The following ADAMTS9 variants were observed in gnomAD, a reference collection of about 807,000 sequenced individuals.
The protein encoded by ADAMTS9 is ADAM metallopeptidase with thrombospondin type 1 motif 9.
A neutral mutation model predicts 257.1 loss-of-function variants in ADAMTS9; 107 were observed. That is an observed-to-expected ratio of 0.42 (90% confidence interval 0.36 to 0.49). The LOEUF is 0.49. ADAMTS9 is among the 20% of genes least tolerant of loss of function. The pLI is 0.03. For synonymous variants in ADAMTS9, 982 were observed against 880.9 expected, an observed-to-expected ratio of 1.11 and a Z score of -2.03; for missense variants, 2,353 against 2,469.1, an observed-to-expected ratio of 0.95 and a Z score of 1.00.
chr3:64,598,319 A>AT (rs34859673), intron 26 of ADAMTS9, among the ~76,000 whole-genome samples: 4,413 of 136,266 alleles, frequency 0.032, 163 homozygotes, highest in African/African-American at 0.097. Flanking sequence ...TTCATTTCCT[A>AT]TTTTTTTTTT....
Position 64,517,073 on chromosome 3 carries a change from T to C in ADAMTS9, c.*54A>G, listed in dbSNP as rs578082690. On this transcript the variant is annotated 3_prime_UTR_variant, in exon 40 of 40. Coordinates refer to ENST00000498707, the MANE Select transcript of ADAMTS9 (RefSeq NM_182920.2). The stretch of plus-strand genomic sequence containing the variant: ...ATGCACCCAAATTAAGGTGGAGGTA[T>C]TGCATTACTATCCTTCATCCATCCA... 2 of 152,618 alleles carry C rather than the reference T, an allele frequency of 1.3e-5. No homozygotes were observed. Among genetic ancestry groups the C allele is most frequent in the South Asian group, 4.2e-4 (2 of 4,814 alleles). The allele number at this position is 152,618 out of a possible 1,614,324, so 9.5% of individuals were successfully genotyped here. A position where few individuals can be genotyped will look rare whatever the true frequency, so the allele number is the denominator to read the frequency against.
intron 38 of ADAMTS9, among the ~76,000 whole-genome samples, chr3:64,531,578 C>T (rs1481445124): frequency 1.3e-5 from 2 of 152,072 alleles, no homozygotes; most frequent in African/African-American, 4.8e-5. Context: ...AGGGATCCTC[C>T]CACCTCAACC....
intron 26 of ADAMTS9, among the ~76,000 whole-genome samples, chr3:64,599,186 C>T (rs11718560): frequency 0.2 from 30,581 of 152,038 alleles, 3,859 homozygotes; most frequent in Non-Finnish European, 0.27. Context: ...TTTATACTCC[C>T]ACAGACAGAT....
chr3:64,669,454 G>A (rs2107009407), intron 3 of ADAMTS9, among the ~76,000 whole-genome samples: 1 of 152,210 alleles, frequency 6.6e-6, no homozygotes, highest in Middle Eastern at 3.4e-3. Flanking sequence ...ATTCATTCTA[G>A]CTCCAAGATT....
chr3:64,549,863 T>C (rs1232345027), intron 31 of ADAMTS9, among the ~76,000 whole-genome samples: 1 of 152,200 alleles, frequency 6.6e-6, no homozygotes, highest in Non-Finnish European at 1.5e-5. Flanking sequence ...GAAAAGACTT[T>C]GGGATCAGCT....
intron 3 of ADAMTS9, among the ~76,000 whole-genome samples, chr3:64,675,019 A>G (rs1701592408): frequency 6.6e-6 from 1 of 152,186 alleles, no homozygotes; most frequent in Non-Finnish European, 1.5e-5. Context: ...AATCAAATCA[A>G]ATTCCAGACA....
At chr3:64,540,912 A>T (rs979564315) in intron 36 of ADAMTS9, among the ~76,000 whole-genome samples, 183 bp downstream of exon 36, 2 of 152,192 alleles carry the variant, frequency 1.3e-5, no homozygotes, top group Non-Finnish European at 2.9e-5. Context: ...AAAGAGACAA[A>T]ACTGCCTGCA....
intron 29 of ADAMTS9, among the ~76,000 whole-genome samples, chr3:64,562,556 A>T (rs76823504): frequency 6.6e-6 from 1 of 152,170 alleles, no homozygotes; most frequent in Admixed American, 6.5e-5. Flanking sequence ...GCCAAGAATT[A>T]TTGTCTTGAT....
intron 3 of ADAMTS9, among the ~76,000 whole-genome samples, chr3:64,660,785 C>T (rs1174651598): frequency 1.3e-5 from 2 of 151,762 alleles, no homozygotes; most frequent in East Asian, 1.9e-4. Flanking sequence ...TTCCTTTAAG[C>T]GAAAAGGTGA....
intron 26 of ADAMTS9, 149 bp downstream of exon 26, chr3:64,601,794 AC>A: frequency 1.1e-6 from 1 of 909,366 alleles, no homozygotes; most frequent in Non-Finnish European, 1.6e-6. Flanking sequence ...GCTGTAATTA[AC>A]CCATTACAAG....
chr3:64,541,061 G>A lies in ADAMTS9; in HGVS notation c.5521+34C>T, dbSNP rs760221868. The stretch of plus-strand genomic sequence containing the variant: ...TTGCTGTCTGAATGGAGAGAAGAAC[G>A]CACACGTTCCCAAAGGACTCCTCAC... On this transcript the variant is annotated intron_variant, in intron 36 of 39. Coordinates refer to ENST00000498707, the MANE Select transcript of ADAMTS9 (RefSeq NM_182920.2). 3.7e-5 allele frequency: 60 copies of A among 1,611,386 alleles called. 1 individual carries two copies. Among genetic ancestry groups the A allele is most frequent in the South Asian group, 1.8e-4 (16 of 90,778 alleles).
chr3:64,584,471 C>CT (rs1559777405), intron 28 of ADAMTS9, among the ~76,000 whole-genome samples: 1 of 152,078 alleles, frequency 6.6e-6, no homozygotes, highest in Non-Finnish European at 1.5e-5. Flanking sequence ...CCACACCCCA[C>CT]TCCCTTTTTT....
rs2083064756 is a variant in ADAMTS9 at position 64,537,395 on chromosome 3, C to CCAATGGGGTTTTTGAAGCCAT, written c.5613+1787_5613+1807dup. Among the ~76,000 whole-genome samples the CCAATGGGGTTTTTGAAGCCAT allele has an allele frequency of 2.0e-5, 3 of 152,050 alleles. No individual in the cohort carries two copies. In the South Asian group the frequency reaches 6.2e-4, roughly 32 times the overall value. On this transcript the variant is annotated intron_variant, in intron 37 of 39. Transcript: ENST00000498707. ...GTTAGCCACTAAAATGCAACAGATACCAATGGGGTTTTTGAAGCCATCAAT... is the reference window on the plus strand; with the variant it reads ...GTTAGCCACTAAAATGCAACAGATACCAATGGGGTTTTTGAAGCCATCAATGGGGTTTTTGAAGCCATCAAT...
At chr3:64,639,879 T>C (rs1700596383) in intron 12 of ADAMTS9, among the ~76,000 whole-genome samples, 2 of 152,208 alleles carry the variant, frequency 1.3e-5, no homozygotes, top group Non-Finnish European at 2.9e-5. Flanking sequence ...GTGGTACTTA[T>C]TTCATATAAT....
chr3:64,672,387 T>G (rs548195338), intron 3 of ADAMTS9, among the ~76,000 whole-genome samples: 34 of 152,240 alleles, frequency 2.2e-4, no homozygotes, highest in African/African-American at 7.7e-4. Flanking sequence ...GAAGCTTAAT[T>G]AAAAAGTTTT....
chr3:64,520,533 T>G (rs2082835937), intron 39 of ADAMTS9, among the ~76,000 whole-genome samples: 1 of 152,072 alleles, frequency 6.6e-6, no homozygotes, highest in Non-Finnish European at 1.5e-5. Context: ...TTACCGGACT[T>G]CAAACTCTAC....
At chr3:64,612,280 A>T (rs770374900) in intron 22 of ADAMTS9, among the ~76,000 whole-genome samples, 3 of 152,216 alleles carry the variant, frequency 2.0e-5, no homozygotes, top group African/African-American at 7.2e-5. Flanking sequence ...AGGCCTGTCA[A>T]TTCTAACAGA....
At chr3:64,580,349 T>G (rs2083966513) in intron 28 of ADAMTS9, among the ~76,000 whole-genome samples, 2 of 152,188 alleles carry the variant, frequency 1.3e-5, no homozygotes, top group Non-Finnish European at 2.9e-5. Context: ...TCCAGGACTC[T>G]AAAACCAATA....
chr3:64,640,246 A>G (rs1269582299), intron 12 of ADAMTS9, among the ~76,000 whole-genome samples: 1 of 152,214 alleles, frequency 6.6e-6, no homozygotes, highest in Non-Finnish European at 1.5e-5. Flanking sequence ...AACTTAATTA[A>G]TCATCATCTG....
Sources: allele counts gnomAD v4.1 joint callset (sites outside exome capture counted in the v4.1 genomes callset), GRCh38; gene constraint gnomAD v4.1.1; transcripts MANE v1.5; gene names NCBI Gene and HGNC (gene_info 2026-07-23, HGNC 2026-07-21).